The following CACNA2D1 variants were observed in gnomAD, a reference collection of about 807,000 sequenced individuals.
The protein encoded by CACNA2D1 is calcium voltage-gated channel auxiliary subunit alpha2delta 1.
Under a neutral mutation model 171.5 loss-of-function variants are expected in CACNA2D1, and 53 were observed. The ratio of observed to expected loss-of-function variants is 0.31; its 90% confidence interval spans 0.25 to 0.39. The LOEUF (loss-of-function observed/expected upper bound fraction) is 0.39. CACNA2D1 is among the 10% of genes least tolerant of loss of function. The pLI, the probability that CACNA2D1 is intolerant of heterozygous loss-of-function variation, is 1.00. For synonymous variants in CACNA2D1, 442 were observed against 443.1 expected (o/e 1.00, Z 0.03); for missense variants, 903 against 1,299.8 (o/e 0.69, Z 4.69).
intron 3 of CACNA2D1, among the ~76,000 whole-genome samples, chr7:82,306,282 C>A (rs34033835): frequency 1.1e-4 from 16 of 152,036 alleles, no homozygotes; most frequent in Non-Finnish European, 2.1e-4. Flanking sequence ...AAGTGAGAAC[C>A]CTAAGACAAG....
chr7:82,177,345 A>T (rs978131109), intron 3 of CACNA2D1, among the ~76,000 whole-genome samples: 2 of 152,044 alleles, frequency 1.3e-5, no homozygotes, highest in East Asian at 1.9e-4. Flanking sequence ...GTGTATTTTT[A>T]AAAAATATGT....
chr7:82,347,452 T>A (rs904514297), intron 2 of CACNA2D1, among the ~76,000 whole-genome samples: 3 of 152,242 alleles, frequency 2.0e-5, no homozygotes, highest in Admixed American at 6.5e-5. Context: ...TAATTTGTAA[T>A]TTGAAGAACC....
intron 32 of CACNA2D1, 67 bp from the exon 33 acceptor site, chr7:81,964,426 C>T (rs1399181958): frequency 8.1e-7 from 1 of 1,236,984 alleles, no homozygotes; most frequent in Non-Finnish European, 1.2e-6. Context: ...ACACGGGAAT[C>T]ACCACTACAG....
intron 1 of CACNA2D1, among the ~76,000 whole-genome samples, chr7:82,383,393 G>A (rs1191074219): frequency 6.6e-6 from 1 of 152,146 alleles, no homozygotes; most frequent in Non-Finnish European, 1.5e-5. Context: ...CCTTCTAGGG[G>A]AGAGAAAGCA....
chr7:82,384,765 A>T (rs1046711830), intron 1 of CACNA2D1, among the ~76,000 whole-genome samples: 1 of 152,222 alleles, frequency 6.6e-6, no homozygotes, highest in Non-Finnish European at 1.5e-5. Context: ...AAATGACAAA[A>T]ATGGCACTTT....
chr7:82,341,967 T>G (rs1243121635), intron 2 of CACNA2D1, among the ~76,000 whole-genome samples: 1 of 137,992 alleles, frequency 7.2e-6, no homozygotes. Context: ...GGCAGGAGAA[T>G]GGCGTGAACC....
chr7:82,050,352 A>C (rs1805050190), intron 10 of CACNA2D1: 1 of 464,252 alleles, frequency 2.2e-6, no homozygotes, highest in Admixed American at 3.4e-5. Context: ...AGAGACAAAG[A>C]GTTTATTACT....
chr7:82,176,272 A>T (rs1796530831), intron 3 of CACNA2D1, among the ~76,000 whole-genome samples: 1 of 152,052 alleles, frequency 6.6e-6, no homozygotes, highest in Non-Finnish European at 1.5e-5. Flanking sequence ...TATTGAGTAT[A>T]ATATTCCATC....
chr7:82,241,655 G>A (rs76114758), intron 3 of CACNA2D1, among the ~76,000 whole-genome samples: 1,720 of 152,054 alleles, frequency 0.011, 24 homozygotes, highest in African/African-American at 0.039. Context: ...GCAGAGGGGG[G>A]AGGAAGAGAA....
intron 3 of CACNA2D1, among the ~76,000 whole-genome samples, chr7:82,291,578 T>C (rs144944028): frequency 0.038 from 5,375 of 141,726 alleles, 153 homozygotes; most frequent in Middle Eastern, 0.061. Flanking sequence ...TATATTTATA[T>C]ATACTAGATA....
At chr7:82,029,359 A>G (rs1802359974) in intron 12 of CACNA2D1, 1 of 151,710 alleles carries the variant, frequency 6.6e-6, no homozygotes, top group African/African-American at 2.4e-5. Flanking sequence ...TTTATACACA[A>G]TGGGAAAACA....
At chr7:82,036,054 A>G (rs1803255776) in intron 11 of CACNA2D1, among the ~76,000 whole-genome samples, 1 of 151,924 alleles carries the variant, frequency 6.6e-6, no homozygotes, top group African/African-American at 2.4e-5. Context: ...AGCTATTTCT[A>G]CCCCCACATT....
At chr7:82,059,913 G>A (rs545321254) in intron 10 of CACNA2D1, among the ~76,000 whole-genome samples, 65 of 123,368 alleles carry the variant, frequency 5.3e-4, no homozygotes, top group Non-Finnish European at 7.5e-4. Flanking sequence ...ACCAAACACC[G>A]CATGTTCTCA....
chr7:82,418,158 G>A (rs1055461052), intron 1 of CACNA2D1, among the ~76,000 whole-genome samples: 2 of 152,182 alleles, frequency 1.3e-5, no homozygotes, highest in African/African-American at 4.8e-5. Flanking sequence ...GCAGGAGAGA[G>A]AAATGAGTGC....
At chr7:82,146,505 TAA>T (rs201004202) in intron 4 of CACNA2D1, among the ~76,000 whole-genome samples, 7,937 of 137,616 alleles carry the variant, frequency 0.058, 448 homozygotes, top group Middle Eastern at 0.16. Flanking sequence ...TATATATATA[TAA>T]AGATATATAT....
intron 4 of CACNA2D1, among the ~76,000 whole-genome samples, chr7:82,144,431 C>T (rs1417701726): frequency 1.3e-5 from 2 of 151,990 alleles, no homozygotes; most frequent in Non-Finnish European, 2.9e-5. Flanking sequence ...CTTCATCATC[C>T]CCTTTTTCTC....
rs1020991696 is a variant in CACNA2D1 at position 81,970,955 on chromosome 7, G to C, written c.2142-218C>G. The C allele has an allele frequency of 7.5e-6, 4 of 530,494 alleles. No homozygotes were observed. In the African/African-American group the frequency reaches 7.7e-5, roughly 10 times the overall value. The allele number at this position is 530,494 out of a possible 1,614,324, so 32.9% of individuals were successfully genotyped here. ...GGAAATAATGACTGAGGTGCATTTT[G>C]AACATGGAGTATGAATTGACAGCAA... On this transcript the variant is annotated intron_variant, in intron 26 of 38. Transcript: ENST00000356860.
At chr7:82,343,540 C>T (rs1454319368) in intron 2 of CACNA2D1, among the ~76,000 whole-genome samples, 1 of 152,080 alleles carries the variant, frequency 6.6e-6, no homozygotes, top group African/African-American at 2.4e-5. Flanking sequence ...AGGATAAACG[C>T]ATTTGACACA....
chr7:82,279,204 A>G (rs577814158), intron 3 of CACNA2D1, among the ~76,000 whole-genome samples: 50 of 151,698 alleles, frequency 3.3e-4, no homozygotes, highest in Non-Finnish European at 5.6e-4. Context: ...GGGGCAATAA[A>G]CTGAAATGAA....
Sources: allele counts gnomAD v4.1 joint callset (sites outside exome capture counted in the v4.1 genomes callset), GRCh38; gene constraint gnomAD v4.1.1; transcripts MANE v1.5; gene names NCBI Gene and HGNC (gene_info 2026-07-23, HGNC 2026-07-21).